Variants in C3orf22 observed in about 807,000 individuals in gnomAD.
C3orf22 encodes the protein chromosome 3 open reading frame 22, also known as uncharacterized protein C3orf22.
C3orf22 carries 7 observed loss-of-function variants against 10.8 expected under a neutral mutation model. The observed-to-expected ratio is 0.65, with a 90% CI of 0.37 to 1.22. The LOEUF is 1.22. Among genes scored for constraint, C3orf22 ranks in the 50% most tolerant of loss-of-function variants. The pLI is 0.02. For synonymous variants in C3orf22, 79 were observed against 78.9 expected, an observed-to-expected ratio of 1.00 and a Z score of 0.00; for missense variants, 173 against 177.0, an observed-to-expected ratio of 0.98 and a Z score of 0.13.
chr3:126,554,317 G>T (rs1382724408), intron 1 of C3orf22, among the ~76,000 whole-genome samples: 3 of 146,546 alleles, frequency 2.0e-5, no homozygotes, highest in African/African-American at 7.7e-5. Flanking sequence ...AGGCTGGAGT[G>T]CAATGGCATG....
intron 1 of C3orf22, among the ~76,000 whole-genome samples, chr3:126,554,919 T>A (rs1425109708): frequency 1.3e-5 from 2 of 152,186 alleles, no homozygotes; most frequent in Non-Finnish European, 2.9e-5. Flanking sequence ...CCAGTAGAAC[T>A]TTCTGAGATG....
chr3:126,549,830 A>C lies in C3orf22; in HGVS notation c.*38T>G. ...TACTGCCCAGAGCCTGCCAAGGAGA[A>C]GGTGGCCAATAAGAAGGCCACACAC... On this transcript the variant is annotated 3_prime_UTR_variant, in exon 4 of 4. Transcript: ENST00000318225. 6.3e-7 allele frequency: 1 copy of C among 1,580,772 alleles called. No individual in the cohort carries two copies. Among genetic ancestry groups the C allele is most frequent in the Admixed American group, 1.8e-5 (1 of 56,634 alleles).
chr3:126,542,600 C>T, intron 4 of C3orf22: 1 of 1,451,656 alleles, frequency 6.9e-7, no homozygotes, highest in African/African-American at 1.5e-5. Context: ...GTCCTGTGGC[C>T]ACGCGGGGCA....
chr3:126,551,525 C>T (rs1937186988), intron 3 of C3orf22, among the ~76,000 whole-genome samples: 1 of 152,214 alleles, frequency 6.6e-6, no homozygotes, highest in African/African-American at 2.4e-5. Flanking sequence ...GCGCCCCATG[C>T]ATGGGGTGAC....
intron 4 of C3orf22, among the ~76,000 whole-genome samples, chr3:126,534,252 T>C (rs1240676931): frequency 6.6e-6 from 1 of 152,240 alleles, no homozygotes; most frequent in Non-Finnish European, 1.5e-5. Context: ...ATAGGCTATA[T>C]TACTGAGAAC....
At chr3:126,535,742 G>A (rs1936776894) in intron 4 of C3orf22, among the ~76,000 whole-genome samples, 1 of 152,240 alleles carries the variant, frequency 6.6e-6, no homozygotes, top group Admixed American at 6.5e-5. Context: ...TCCCTGATGG[G>A]GAAGCACTGC....
chr3:126,535,792 G>A (rs1268795696), intron 4 of C3orf22, among the ~76,000 whole-genome samples: 2 of 152,272 alleles, frequency 1.3e-5, no homozygotes, highest in African/African-American at 4.8e-5. Context: ...GCCTAGCAAG[G>A]TGGCACTGAG....
At chr3:126,538,307 G>T (rs888365841) in intron 4 of C3orf22, among the ~76,000 whole-genome samples, 2 of 152,230 alleles carry the variant, frequency 1.3e-5, no homozygotes, top group Admixed American at 1.3e-4. Context: ...TAAGAGGACT[G>T]CCAGGGCTGC....
chr3:126,541,710 G>C lies in C3orf22; in HGVS notation c.286+7827C>G, dbSNP rs576908435. On this transcript the variant is annotated intron_variant and NMD_transcript_variant, in intron 4 of 5. Coordinates refer to the C3orf22 transcript ENST00000505070. ...CCGCGCTGCCCTGACGCGTCCCCCT[G>C]TCCCGTCTCCTGTCGCCCACAGGAC... 2.1e-5 allele frequency: 30 copies of C among 1,433,020 alleles called. No homozygotes were observed. The African/African-American group carries it at 4.2e-4, about 20-fold the overall frequency. 88.8% of individuals were successfully genotyped at this position (1,433,020 alleles called of 1,614,324 possible).
chr3:126,538,400 T>C (rs1936845566), intron 4 of C3orf22, among the ~76,000 whole-genome samples: 1 of 152,230 alleles, frequency 6.6e-6, no homozygotes, highest in South Asian at 2.1e-4. Flanking sequence ...TAAGGGAGTC[T>C]TTCCTGGGAG....
intron 1 of C3orf22, among the ~76,000 whole-genome samples, chr3:126,556,660 ACACACT>A (rs1186670461): frequency 2.4e-5 from 3 of 126,868 alleles, no homozygotes; most frequent in Non-Finnish European, 5.0e-5. Flanking sequence ...ACACACACAC[ACACACT>A]CACTCTCACA....
intron 2 of C3orf22, among the ~76,000 whole-genome samples, 159 bp downstream of exon 2, chr3:126,553,143 C>T (rs953955293): frequency 9.2e-5 from 14 of 152,162 alleles, no homozygotes; most frequent in Non-Finnish European, 1.8e-4. Context: ...GTAACGAAGG[C>T]GGACCCCAGA....
intron 1 of C3orf22, among the ~76,000 whole-genome samples, chr3:126,555,335 T>G (rs1318757781): frequency 6.6e-6 from 1 of 152,306 alleles, no homozygotes; most frequent in Middle Eastern, 3.4e-3. Context: ...CACCTGCCCA[T>G]TCAGAGGAGA....
intron 3 of C3orf22, among the ~76,000 whole-genome samples, chr3:126,551,111 C>A (rs953273671): frequency 6.6e-6 from 1 of 151,556 alleles, no homozygotes; most frequent in Non-Finnish European, 1.5e-5. Context: ...TAAGTCTGTT[C>A]TTTGTGTGTG....
chr3:126,540,239 C>A (rs970347159), intron 4 of C3orf22, among the ~76,000 whole-genome samples: 32 of 152,192 alleles, frequency 2.1e-4, no homozygotes, highest in Non-Finnish European at 3.5e-4. Context: ...AACTCACATA[C>A]CATACAACTC....
chr3:126,539,752 ACACT>A (rs1436240773), intron 4 of C3orf22, among the ~76,000 whole-genome samples: 3 of 93,634 alleles, frequency 3.2e-5, no homozygotes, highest in Non-Finnish European at 6.4e-5. Flanking sequence ...CCCACACCAC[ACACT>A]CCACACCACA....
intron 4 of C3orf22, among the ~76,000 whole-genome samples, chr3:126,537,425 T>G (rs2107569312): frequency 6.6e-6 from 1 of 152,316 alleles, no homozygotes; most frequent in South Asian, 2.1e-4. Flanking sequence ...ATTTTCACCC[T>G]TGGGGTATCC....
chr3:126,533,489 C>CT (rs1936700431), intron 4 of C3orf22, among the ~76,000 whole-genome samples: 1 of 152,070 alleles, frequency 6.6e-6, no homozygotes, highest in Non-Finnish European at 1.5e-5. Flanking sequence ...AGCATGTGGG[C>CT]TTTTTTCTTG....
exon 5 of C3orf22, chr3:126,529,211 G>C: frequency 1.2e-6 from 1 of 835,122 alleles, no homozygotes; most frequent in East Asian, 6.3e-5. Flanking sequence ...TAGGTTTCTA[G>C]TGTGGTGTTT....
Sources: allele counts gnomAD v4.1 joint callset (sites outside exome capture counted in the v4.1 genomes callset), GRCh38; gene constraint gnomAD v4.1.1; transcripts MANE v1.5; gene names NCBI Gene and HGNC (gene_info 2026-07-23, HGNC 2026-07-21).